Variants in SRSF12 observed in about 807,000 individuals in gnomAD.
The protein encoded by SRSF12 is serine and arginine rich splicing factor 12, also known as serine/arginine-rich splicing factor 12.
SRSF12 carries 21 observed loss-of-function variants against 34.1 expected under a neutral mutation model. The observed-to-expected ratio is 0.62, with a 90% CI of 0.44 to 0.89. The LOEUF (loss-of-function observed/expected upper bound fraction) is 0.89, where lower values mean the gene tolerates loss of function less well. Among genes scored for constraint, SRSF12 ranks in the 40% least tolerant of loss-of-function variants. The pLI is 0.00. For missense variants in SRSF12, 278 were observed against 327.8 expected (o/e 0.85, Z 1.17); for synonymous variants, 111 against 110.8 (o/e 1.00, Z -0.01).
chr6:89,103,424 G>A (rs1768626796), intron 4 of SRSF12, among the ~76,000 whole-genome samples: 1 of 151,958 alleles, frequency 6.6e-6, no homozygotes, highest in Non-Finnish European at 1.5e-5. Flanking sequence ...TGCCTCCCAG[G>A]TTCAAGCGAT....
At chr6:89,103,138 G>A (rs1302991095) in intron 4 of SRSF12, among the ~76,000 whole-genome samples, 1 of 152,148 alleles carries the variant, frequency 6.6e-6, no homozygotes. Context: ...GTACAAAGCA[G>A]AATAGCATTG....
chr6:89,106,573 A>T (rs1239419685), intron 2 of SRSF12: 1 of 160,320 alleles, frequency 6.2e-6, no homozygotes, highest in Admixed American at 6.0e-5. Flanking sequence ...GAAATTAGCT[A>T]TATAAAAATA....
intron 2 of SRSF12, chr6:89,105,799 C>G: frequency 5.0e-6 from 1 of 201,930 alleles, no homozygotes; most frequent in Non-Finnish European, 9.9e-6. Flanking sequence ...AGTGTGGCTG[C>G]AGTATGCATG....
At chr6:89,107,822 G>A (rs1156742144) in intron 1 of SRSF12, among the ~76,000 whole-genome samples, 2 of 152,104 alleles carry the variant, frequency 1.3e-5, no homozygotes, top group African/African-American at 4.8e-5. Flanking sequence ...ATGGATTAGA[G>A]GCTGGAAATC....
chr6:89,115,725 C>T (rs1284226028), intron 1 of SRSF12, among the ~76,000 whole-genome samples: 1 of 151,302 alleles, frequency 6.6e-6, no homozygotes, highest in Non-Finnish European at 1.5e-5. Context: ...CAAGCTCCGC[C>T]TCCCGGGTTC....
intron 1 of SRSF12, among the ~76,000 whole-genome samples, chr6:89,108,398 C>T (rs1221446753): frequency 1.3e-5 from 2 of 152,164 alleles, no homozygotes; most frequent in African/African-American, 4.8e-5. Context: ...ACAGGTAATA[C>T]AGGCAGATTA....
chr6:89,103,644 G>A (rs1489986011), intron 4 of SRSF12, among the ~76,000 whole-genome samples: 1 of 150,860 alleles, frequency 6.6e-6, no homozygotes, highest in East Asian at 2.0e-4. Flanking sequence ...ATTTTTAGTA[G>A]AGACAGGATT....
At chr6:89,107,671 G>T (rs9294422) in intron 1 of SRSF12, among the ~76,000 whole-genome samples, 3 of 151,944 alleles carry the variant, frequency 2.0e-5, no homozygotes, top group African/African-American at 4.8e-5. Context: ...GGGAGGTTGA[G>T]GCTGCAGTGA....
In SRSF12 at chr6:89,097,386, A is replaced by T. The variant is rs1768316765; in HGVS notation, c.*1192T>A. 1.3e-5 allele frequency: 2 copies of T among 152,350 alleles called. No individual in the cohort carries two copies. Among genetic ancestry groups the T allele is most frequent in the South Asian group, 2.1e-4 (1 of 4,834 alleles). 9.4% of individuals were successfully genotyped at this position (152,350 alleles called of 1,614,324 possible). ...ACTACAACACATTTTCAAAGAAATT[A>T]TTAGTTATAACAACTACAAAAGCAA... On this transcript the variant is annotated 3_prime_UTR_variant, in exon 5 of 5. Coordinates refer to ENST00000452027, the MANE Select transcript of SRSF12 (RefSeq NM_080743.5).
intron 4 of SRSF12, among the ~76,000 whole-genome samples, chr6:89,101,121 A>G (rs1479709798): frequency 5.3e-5 from 8 of 151,800 alleles, no homozygotes; most frequent in East Asian, 1.9e-4. Flanking sequence ...AAAAAAAAAA[A>G]AAAAGAAAAG....
At position 89,110,942 on chromosome 6, in the gene SRSF12, C is replaced by T. The variant is rs1295186673; in HGVS notation, c.66-3684G>A. On this transcript the variant is annotated intron_variant, in intron 1 of 4. Transcript: ENST00000452027. ...ATCAGCCTGAGCAACATAGTGAGAC[C>T]CCCATCTCTACAAAAAATAAAAAAA... Among the ~76,000 whole-genome samples the T allele has an allele frequency of 2.0e-5, 3 of 151,978 alleles. No individual in the cohort carries two copies. In the East Asian group the frequency reaches 5.8e-4, roughly 29 times the overall value.
chr6:89,107,122 T>C, intron 2 of SRSF12, 32 bp downstream of exon 2: 1 of 1,564,370 alleles, frequency 6.4e-7, no homozygotes, highest in South Asian at 1.1e-5. Flanking sequence ...ATATACAGTA[T>C]ATTCACATGC....
rs1768357564 is a variant in SRSF12 at position 89,098,506 on chromosome 6, G to A, written c.*72C>T. The A allele has an allele frequency of 6.7e-7, 1 of 1,492,360 alleles. No individual in the cohort carries two copies. Among genetic ancestry groups the A allele is most frequent in the Admixed American group, 2.3e-5 (1 of 42,668 alleles). The allele number at this position is 1,492,360 out of a possible 1,614,324, so 92.4% of individuals were successfully genotyped here. Reference sequence around the variant, plus strand: ...ACTCGCATTTTCTGTATGCCTTAAAGAATTTTTATTTAACATAATGAGAGT... The same window carrying A: ...ACTCGCATTTTCTGTATGCCTTAAAAAATTTTTATTTAACATAATGAGAGT... On this transcript the variant is annotated 3_prime_UTR_variant, in exon 5 of 5. Transcript: ENST00000452027.
chr6:89,117,038 C>T (rs993679684), intron 1 of SRSF12, among the ~76,000 whole-genome samples: 1 of 152,030 alleles, frequency 6.6e-6, no homozygotes, highest in African/African-American at 2.4e-5. Context: ...TCCCTCTCCC[C>T]CCGCCCCCAA....
chr6:89,117,144 G>A (rs1439466517), intron 1 of SRSF12, among the ~76,000 whole-genome samples: 6 of 152,280 alleles, frequency 3.9e-5, no homozygotes, highest in East Asian at 1.9e-4. Context: ...CTCAACGGAG[G>A]GGTGGGGCAT....
chr6:89,109,167 G>C (rs1481400689), intron 1 of SRSF12, among the ~76,000 whole-genome samples: 2 of 152,088 alleles, frequency 1.3e-5, no homozygotes, highest in East Asian at 3.9e-4. Context: ...ATCTGTGAAG[G>C]GATGTTACAG....
chr6:89,116,149 G>C (rs1769284593), intron 1 of SRSF12, among the ~76,000 whole-genome samples: 1 of 152,050 alleles, frequency 6.6e-6, no homozygotes, highest in Non-Finnish European at 1.5e-5. Context: ...ATTTCTATTT[G>C]ATAGTCCACA....
intron 1 of SRSF12, among the ~76,000 whole-genome samples, chr6:89,112,101 C>T (rs1467005511): frequency 2.0e-5 from 3 of 151,590 alleles, no homozygotes; most frequent in Non-Finnish European, 2.9e-5. Context: ...TCCTCCTCCC[C>T]GGTTCAAGAG....
At chr6:89,114,412 A>G (rs914634852) in intron 1 of SRSF12, among the ~76,000 whole-genome samples, 4 of 152,232 alleles carry the variant, frequency 2.6e-5, no homozygotes, top group Admixed American at 2.0e-4. Context: ...TGGCTGACAC[A>G]GCAAGACTCT....
Sources: allele counts gnomAD v4.1 joint callset (sites outside exome capture counted in the v4.1 genomes callset), GRCh38; gene constraint gnomAD v4.1.1; transcripts MANE v1.5; gene names NCBI Gene and HGNC (gene_info 2026-07-23, HGNC 2026-07-21).